PRSS50: variants seen among roughly 807,000 people sequenced by gnomAD.
The protein encoded by PRSS50 is probable threonine protease PRSS50.
PRSS50 carries 23 observed loss-of-function variants against 34.2 expected under a neutral mutation model. The observed-to-expected ratio is 0.67, with a 90% CI of 0.48 to 0.95. The LOEUF (loss-of-function observed/expected upper bound fraction) is 0.95, where lower values mean the gene tolerates loss of function less well. Among genes scored for constraint, PRSS50 ranks in the 40% least tolerant of loss-of-function variants. The pLI, the probability that PRSS50 is intolerant of heterozygous loss-of-function variation, is 0.00. For synonymous variants in PRSS50, 224 were observed against 211.2 expected, an observed-to-expected ratio of 1.06 and a Z score of -0.53; for missense variants, 484 against 513.4, an observed-to-expected ratio of 0.94 and a Z score of 0.55.
chr3:46,714,726 G>A (rs35845142), intron 3 of PRSS50, among the ~76,000 whole-genome samples: 2,470 of 152,282 alleles, frequency 0.016, 22 homozygotes, highest in Non-Finnish European at 0.026. Flanking sequence ...GGGGGAAACT[G>A]AGGCTCAGAG....
intron 5 of PRSS50, among the ~76,000 whole-genome samples, chr3:46,712,694 C>G (rs183879136): frequency 2.0e-5 from 3 of 151,028 alleles, no homozygotes; most frequent in African/African-American, 4.9e-5. Context: ...ACGGACCCCC[C>G]ACTCCTCTCA....
rs1700686064 is a variant in PRSS50 at position 46,716,553 on chromosome 3, T to C, written c.308-856A>G. 6.6e-6 allele frequency among the ~76,000 whole-genome samples: 1 copy of C among 152,178 alleles called. No individual in the cohort carries two copies. Among genetic ancestry groups the C allele is most frequent in the Non-Finnish European group, 1.5e-5 (1 of 68,040 alleles). On this transcript the variant is annotated intron_variant, in intron 2 of 5. Coordinates refer to ENST00000315170, the MANE Select transcript of PRSS50 (RefSeq NM_013270.5). This position sits in a 1 kb window ranked among gnomAD's most constrained non-coding sequence, Gnocchi z 4.4. ...CGCTGGGATTATAAGCATGACCCAC[T>C]ACCTCCAGCCTGAAAATGCAGATTT...
rs1700662674 is a variant in PRSS50 at position 46,715,104 on chromosome 3, A to G, written c.470+431T>C. ...TATCTTCCTTTCTGTCTCCCCCAAC[A>G]AGCTGGAAGGAATGATCCATCCCTC... On this transcript the variant is annotated intron_variant, in intron 3 of 5. Coordinates refer to ENST00000315170, the MANE Select transcript of PRSS50 (RefSeq NM_013270.5). The surrounding 1 kb of genome is among the most constrained non-coding windows in gnomAD (Gnocchi z 5.2). Among the ~76,000 whole-genome samples the G allele has an allele frequency of 6.6e-6, 1 of 152,134 alleles. No individual in the cohort carries two copies. Among genetic ancestry groups the G allele is most frequent in the Non-Finnish European group, 1.5e-5 (1 of 68,016 alleles).
chr3:46,715,456 C>A lies in PRSS50; in HGVS notation c.470+79G>T. 1 of 1,541,252 alleles carries A rather than the reference C, an allele frequency of 6.5e-7. No individual in the cohort carries two copies. The highest frequency in any genetic ancestry group is 1.8e-5 in the Admixed American group (1 of 56,694). ...TGGGGCTGGGACTGTGGGCCCAGAA[C>A]AGCTGGCAGGGAGGGGATGACTGGG... On this transcript the variant is annotated intron_variant, in intron 3 of 5. Transcript: ENST00000315170. This position sits in a 1 kb window ranked among gnomAD's most constrained non-coding sequence, Gnocchi z 5.2.
chr3:46,715,881 A>G lies in PRSS50; in HGVS notation c.308-184T>C, dbSNP rs532343726. 5.9e-5 allele frequency among the ~76,000 whole-genome samples: 9 copies of G among 152,250 alleles called. No homozygotes were observed. The East Asian group carries it at 1.4e-3, about 23-fold the overall frequency. Reference sequence around the variant, plus strand: ...GGAGTCTCATGCCTCAGAAGGGTCCAAGCACTGCCCAGATATCTCTCTCCC... The same window carrying G: ...GGAGTCTCATGCCTCAGAAGGGTCCGAGCACTGCCCAGATATCTCTCTCCC... On this transcript the variant is annotated intron_variant, in intron 2 of 5. Coordinates refer to ENST00000315170, the MANE Select transcript of PRSS50 (RefSeq NM_013270.5). This position sits in a 1 kb window ranked among gnomAD's most constrained non-coding sequence, Gnocchi z 5.2.
Position 46,715,613 on chromosome 3 carries a change from C to G in PRSS50, c.392G>C (p.Arg131Pro). 1 of 1,613,150 alleles carries G rather than the reference C, an allele frequency of 6.2e-7. No individual in the cohort carries two copies. The highest frequency in any genetic ancestry group is 8.5e-7 in the Non-Finnish European group (1 of 1,179,810). ...GGCACAGATGTGTGTGCCATTGGCC[C>G]GCACGCTGACCATCCAGGGCCACCG... ...ARRWPWMVSV[R>P]ANGTHICAGT... The change falls in exon 3 of 6, where the codon CGG becomes CCG. Residue 131 changes from arginine (R) to proline (P), a missense_variant. Physicochemically the swap from Arg to Pro is moderately radical, Grantham distance 103. Transcript: ENST00000315170. This position sits in a 1 kb window ranked among gnomAD's most constrained non-coding sequence, Gnocchi z 5.2.
At chr3:46,712,692 C>T (rs1468223081) in intron 5 of PRSS50, among the ~76,000 whole-genome samples, 2 of 151,130 alleles carry the variant, frequency 1.3e-5, no homozygotes, top group African/African-American at 4.9e-5. Flanking sequence ...CCACGGACCC[C>T]CCACTCCTCT....
intron 3 of PRSS50, 70 bp from the exon 4 acceptor site, chr3:46,714,571 C>A (rs548667621): frequency 1.4e-6 from 2 of 1,456,964 alleles, no homozygotes; most frequent in Non-Finnish European, 1.8e-6. Context: ...CCTGGGCCTT[C>A]CCCCACTCTG....
chr3:46,715,456 C>T lies in PRSS50; in HGVS notation c.470+79G>A. On this transcript the variant is annotated intron_variant, in intron 3 of 5. Transcript: ENST00000315170. The surrounding 1 kb of genome is among the most constrained non-coding windows in gnomAD (Gnocchi z 5.2). ...TGGGGCTGGGACTGTGGGCCCAGAA[C>T]AGCTGGCAGGGAGGGGATGACTGGG... The T allele has an allele frequency of 6.5e-7, 1 of 1,541,254 alleles. No individual in the cohort carries two copies. Among genetic ancestry groups the T allele is most frequent in the Non-Finnish European group, 8.8e-7 (1 of 1,131,454 alleles).
Position 46,717,462 on chromosome 3 carries a change from A to G in PRSS50, c.282T>C (p.Ser94=), listed in dbSNP as rs1340114051. The stretch of plus-strand genomic sequence containing the variant: ...AGCGGTATGGGTCGACTTTGCCTTC[A>G]GAAACTGGGAATTGGGTCTCCATGG... ...STTMETQFPV[S]EGKVDPYRSC... Residue 94 remains serine (S), a synonymous_variant, in exon 2 of 6, where the codon TCT becomes TCC. Coordinates refer to ENST00000315170, the MANE Select transcript of PRSS50 (RefSeq NM_013270.5). This position sits in a 1 kb window ranked among gnomAD's most constrained non-coding sequence, Gnocchi z 4.5. The G allele has an allele frequency of 1.4e-5, 22 of 1,613,752 alleles. No individual in the cohort carries two copies. Among genetic ancestry groups the G allele is most frequent in the South Asian group, 3.3e-5 (3 of 91,066 alleles).
In PRSS50 at chr3:46,714,461, T is replaced by C. The variant is rs761550306; in HGVS notation, c.511A>G (p.Ile171Val). Residue 171 changes from isoleucine to valine, a missense_variant, in exon 4 of 6, where the codon ATT becomes GTT. Physicochemically the swap from Ile to Val is conservative, Grantham distance 29 (BLOSUM62 3). Transcript: ENST00000315170. Reference sequence around the variant, plus strand: ...GAGGCGGTCTGCGTCATCTGGTCAATCCACGGACTCCCCACCCTCACTGAG... The same window carrying C: ...GAGGCGGTCTGCGTCATCTGGTCAACCCACGGACTCCCCACCCTCACTGAG... ...IYSVRVGSPW[I>V]DQMTQTASDV... is the part of the protein sequence containing the mutation. 3.1e-6 allele frequency: 5 copies of C among 1,606,630 alleles called. No homozygotes were observed. In the South Asian group the frequency reaches 4.5e-5, roughly 14 times the overall value.
rs7612286 is a variant in PRSS50, at chr3:46,717,777, C to T, written c.48G>A (p.Thr16=). 12,182 of 1,565,716 alleles carry T rather than the reference C, an allele frequency of 7.8e-3. 548 individuals are homozygous for T. The African/African-American group carries it at 0.12, about 15-fold the overall frequency. ...QTVARGQRPR[T]SAPSRAGALL... ...GGGCACCGGCGCGGGAGGGGGCAGA[C>T]GTCCGGGGGCGCTGCCCGCGCGCGA... Residue 16 remains threonine, a synonymous_variant, in exon 1 of 6, where the codon ACG becomes ACA. Transcript: ENST00000315170. This position sits in a 1 kb window ranked among gnomAD's most constrained non-coding sequence, Gnocchi z 4.5.
At position 46,712,240 on chromosome 3, in the gene PRSS50, A is replaced by T. The variant is rs1700630060; in HGVS notation, c.*6T>A. On this transcript the variant is annotated 3_prime_UTR_variant, in exon 6 of 6. Transcript: ENST00000315170. ...GGGGCCCACAAGTGAGGGAGGGCAC[A>T]CAGAGTCAGAGGGCAGCAAGGAGGC... 4 of 1,601,492 alleles carry T rather than the reference A, an allele frequency of 2.5e-6. No individual in the cohort carries two copies. The East Asian group carries it at 9.0e-5, about 36-fold the overall frequency.
rs1200740127 is a variant in PRSS50, at chr3:46,712,214, G to A, written c.*32C>T. On this transcript the variant is annotated 3_prime_UTR_variant, in exon 6 of 6. Transcript: ENST00000315170. ...ACAGCAACCTGGGCACGGAGGCAAGGGGGGCCCACAAGTGAGGGAGGGCAC... is the reference window on the plus strand; with the variant it reads ...ACAGCAACCTGGGCACGGAGGCAAGAGGGGCCCACAAGTGAGGGAGGGCAC... 1.9e-6 allele frequency: 3 copies of A among 1,566,362 alleles called. No individual in the cohort carries two copies. Among genetic ancestry groups the A allele is most frequent in the African/African-American group, 1.4e-5 (1 of 74,002 alleles).
rs903288515 is a variant in PRSS50, at chr3:46,716,655, A to G, written c.307+782T>C. On this transcript the variant is annotated intron_variant, in intron 2 of 5. Coordinates refer to ENST00000315170, the MANE Select transcript of PRSS50 (RefSeq NM_013270.5). This position sits in a 1 kb window ranked among gnomAD's most constrained non-coding sequence, Gnocchi z 4.4. Reference sequence around the variant, plus strand: ...TCTGTGACACCGAGTGTCAGTGAGGATTATCACCCAGAATGCCTACCCACG... The same window carrying G: ...TCTGTGACACCGAGTGTCAGTGAGGGTTATCACCCAGAATGCCTACCCACG... Among the ~76,000 whole-genome samples the G allele has an allele frequency of 6.6e-6, 1 of 152,170 alleles. No individual in the cohort carries two copies. The highest frequency in any genetic ancestry group is 2.4e-5 in the African/African-American group (1 of 41,438).
chr3:46,717,365 G>A lies in PRSS50; in HGVS notation c.307+72C>T. The A allele has an allele frequency of 6.4e-7, 1 of 1,550,512 alleles. No homozygotes were observed. The highest frequency in any genetic ancestry group is 8.9e-7 in the Non-Finnish European group (1 of 1,128,764). The stretch of plus-strand genomic sequence containing the variant: ...CGCCCCCGTCCCTTCTGCTCCCCTA[G>A]CCCCAGCCAAGGTCCTTAAGACTCC... On this transcript the variant is annotated intron_variant, in intron 2 of 5. Transcript: ENST00000315170. This position sits in a 1 kb window ranked among gnomAD's most constrained non-coding sequence, Gnocchi z 4.5.
At position 46,717,423 on chromosome 3, in the gene PRSS50, C is replaced by A. The variant is rs769605645; in HGVS notation, c.307+14G>T. On this transcript the variant is annotated intron_variant, in intron 2 of 5. Coordinates refer to ENST00000315170, the MANE Select transcript of PRSS50 (RefSeq NM_013270.5). The surrounding 1 kb of genome is among the most constrained non-coding windows in gnomAD (Gnocchi z 4.5). ...CCCTCCTTGCCCCACGGAGTCTACACCCCTGGTACTCACAGCGGTATGGGT... is the reference window on the plus strand; with the variant it reads ...CCCTCCTTGCCCCACGGAGTCTACAACCCTGGTACTCACAGCGGTATGGGT... 3 of 1,613,730 alleles carry A rather than the reference C, an allele frequency of 1.9e-6. No homozygotes were observed. Among genetic ancestry groups the A allele is most frequent in the South Asian group, 1.1e-5 (1 of 91,072 alleles).
At position 46,715,391 on chromosome 3, in the gene PRSS50, T is replaced by C; in HGVS notation, c.470+144A>G. On this transcript the variant is annotated intron_variant, in intron 3 of 5. Coordinates refer to ENST00000315170, the MANE Select transcript of PRSS50 (RefSeq NM_013270.5). This position sits in a 1 kb window ranked among gnomAD's most constrained non-coding sequence, Gnocchi z 5.2. ...AAAGACTGGAGCTCTGAAGGAATTT[T>C]CAGGACTCAGCCTCCACCTGCTTGG... 1 of 1,108,510 alleles carries C rather than the reference T, an allele frequency of 9.0e-7. No homozygotes were observed. The highest frequency in any genetic ancestry group is 2.6e-5 in the East Asian group (1 of 38,238). The allele number at this position is 1,108,510 out of a possible 1,614,324, so 68.7% of individuals were successfully genotyped here. A position where few individuals can be genotyped will look rare whatever the true frequency, so the allele number is the denominator to read the frequency against.
rs749277999 is a variant in PRSS50, at chr3:46,717,601, G to C, written c.143C>G (p.Ser48Cys). 20 of 1,613,350 alleles carry C rather than the reference G, an allele frequency of 1.2e-5. No individual in the cohort carries two copies. The East Asian group carries it at 4.2e-4, about 34-fold the overall frequency. ...GCTCTGGTCGGCGGGATCAGCAGTG[G>C]ACAGCGCCCCCGGGGCTTCCCCTGC... ...WGAGEAPGAL[S>C]TADPADQSVQ... Residue 48 changes from serine to cysteine, a missense_variant, in exon 2 of 6, where the codon TCC (serine) becomes TGC (cysteine). Physicochemically the swap from Ser to Cys is moderately radical, Grantham distance 112. Coordinates refer to ENST00000315170, the MANE Select transcript of PRSS50 (RefSeq NM_013270.5). The surrounding 1 kb of genome is among the most constrained non-coding windows in gnomAD (Gnocchi z 4.5).
Sources: gnomAD v4.1 joint callset for allele counts (sites outside exome capture counted in the v4.1 genomes callset) on GRCh38, gnomAD v4.1.1 for gene constraint, Gnocchi (gnomAD v3.1) non-coding constraint, MANE v1.5 for transcripts, NCBI Gene and HGNC (gene_info 2026-07-23, HGNC 2026-07-21) for gene names.